The following ASIC2 variants were observed in gnomAD, a reference collection of about 807,000 sequenced individuals.
ASIC2 encodes the protein acid-sensing ion channel 2.
ASIC2 carries 25 observed loss-of-function variants against 57.3 expected under a neutral mutation model. That is an observed-to-expected ratio of 0.44 (90% CI 0.32 to 0.61). ASIC2 has a LOEUF of 0.61. Among genes scored for constraint, ASIC2 ranks in the 20% least tolerant of loss-of-function variants. The pLI is 0.06. For missense variants in ASIC2, 641 were observed against 738.1 expected (o/e 0.87, Z 1.52); for synonymous variants, 319 against 307.5 (o/e 1.04, Z -0.39).
chr17:33,151,891 G>T (rs1339765599), intron 1 of ASIC2, among the ~76,000 whole-genome samples: 1 of 152,204 alleles, frequency 6.6e-6, no homozygotes, highest in Non-Finnish European at 1.5e-5. Flanking sequence ...GACACTTCTG[G>T]AGTAATCACC....
intron 1 of ASIC2, among the ~76,000 whole-genome samples, chr17:33,428,342 A>G (rs1911287633): frequency 6.6e-6 from 1 of 152,182 alleles, no homozygotes; most frequent in East Asian, 1.9e-4. Context: ...CCCTCAGATG[A>G]CTCTAATGTG....
Position 34,041,328 on chromosome 17 carries a change from G to GCCAA in ASIC2, c.555+114646_555+114649dup, listed in dbSNP as rs1908124532. The GCCAA allele has an allele frequency of 2.0e-5, 3 of 152,180 alleles. No individual in the cohort carries two copies. In the South Asian group the frequency reaches 6.2e-4, roughly 32 times the overall value. 9.4% of individuals were successfully genotyped at this position (152,180 alleles called of 1,614,324 possible). Reference sequence around the variant, plus strand: ...GCCCAGGAGAGCCTCTGAACATTAAGCCAACAGTCTTGAATCATGACAAGA... The same window carrying GCCAA: ...GCCCAGGAGAGCCTCTGAACATTAAGCCAACCAACAGTCTTGAATCATGACAAGA... On this transcript the variant is annotated intron_variant, in intron 1 of 9. Transcript: ENST00000359872.
chr17:33,520,440 G>A (rs1914704542), intron 1 of ASIC2, among the ~76,000 whole-genome samples: 1 of 152,226 alleles, frequency 6.6e-6, no homozygotes, highest in East Asian at 1.9e-4. Flanking sequence ...TAACTGGGAG[G>A]TTGTATTAAT....
In ASIC2 at chr17:33,099,160, G is replaced by GT. The variant is rs934751986; in HGVS notation, c.860-10171dup. Among the ~76,000 whole-genome samples the GT allele has an allele frequency of 1.4e-3, 204 of 150,200 alleles. 2 individuals are homozygous for GT. The highest frequency in any genetic ancestry group is 4.3e-3 in the African/African-American group (178 of 40,986). On this transcript the variant is annotated intron_variant, in intron 2 of 9. Coordinates refer to ENST00000225823, the MANE Select transcript of ASIC2 (RefSeq NM_183377.2). ...GGCATGCACCACCATGCCCGGCTAG[G>GT]TTTTTTTTTGTTGTTGTTGTTATTT...
intron 1 of ASIC2, among the ~76,000 whole-genome samples, chr17:33,481,710 A>G (rs1020801397): frequency 2.0e-5 from 3 of 152,188 alleles, no homozygotes; most frequent in African/African-American, 7.2e-5. Context: ...TAAAACAAAA[A>G]CAAAACAAAA....
At chr17:33,049,882 A>AT (rs2091968554) in intron 3 of ASIC2, among the ~76,000 whole-genome samples, 1 of 152,174 alleles carries the variant, frequency 6.6e-6, no homozygotes. Flanking sequence ...CCATTTTGGA[A>AT]TTATGGCAAG....
intron 1 of ASIC2, chr17:34,038,324 G>A (rs1907970705): frequency 1.9e-6 from 3 of 1,610,242 alleles, no homozygotes; most frequent in South Asian, 2.2e-5. Context: ...TGTACAAAAC[G>A]AGTCAGTATC....
intron 1 of ASIC2, among the ~76,000 whole-genome samples, chr17:33,329,000 C>G (rs916531553): frequency 2.6e-5 from 4 of 152,128 alleles, no homozygotes; most frequent in African/African-American, 9.7e-5. Context: ...CTGGGTGGAA[C>G]CTTGGCTGAC....
intron 1 of ASIC2, among the ~76,000 whole-genome samples, chr17:33,862,962 C>A (rs369258721): frequency 1.4e-4 from 21 of 152,190 alleles, no homozygotes; most frequent in East Asian, 3.9e-4. Context: ...TCAGATGACT[C>A]ACATGACATC....
intron 1 of ASIC2, among the ~76,000 whole-genome samples, chr17:33,643,484 A>G (rs1906646953): frequency 6.6e-6 from 1 of 152,214 alleles, no homozygotes; most frequent in Non-Finnish European, 1.5e-5. Flanking sequence ...TCACAGGAAC[A>G]GAGGATGGTG....
At chr17:33,218,624 T>G (rs444334) in intron 1 of ASIC2, among the ~76,000 whole-genome samples, 1 of 149,392 alleles carries the variant, frequency 6.7e-6, no homozygotes, top group South Asian at 2.2e-4. Context: ...AAGTTGAGCA[T>G]TGCCGGGGTG....
At chr17:34,038,817 C>T in intron 1 of ASIC2, 1 of 1,612,118 alleles carries the variant, frequency 6.2e-7, no homozygotes. Context: ...GCAGGAGGGG[C>T]CTGACCCATG....
At chr17:33,140,908 C>A (rs1000486265) in intron 1 of ASIC2, among the ~76,000 whole-genome samples, 5 of 152,226 alleles carry the variant, frequency 3.3e-5, no homozygotes, top group Non-Finnish European at 5.9e-5. Context: ...CAAGGCAGAA[C>A]CACAAGACAG....
chr17:33,895,352 G>A lies in ASIC2; in HGVS notation c.555+260626C>T, dbSNP rs138805728. On this transcript the variant is annotated intron_variant, in intron 1 of 9. Coordinates refer to the ASIC2 transcript ENST00000359872. Reference sequence around the variant, plus strand: ...TAATTTTTGTGTTTTTAGTAGAGACGGGGTTTCACCATATTGGTCAGGTTG... The same window carrying A: ...TAATTTTTGTGTTTTTAGTAGAGACAGGGTTTCACCATATTGGTCAGGTTG... Among the ~76,000 whole-genome samples, 507 of 152,048 alleles carry A rather than the reference G, an allele frequency of 3.3e-3. 7 individuals are homozygous for A. Among genetic ancestry groups the A allele is most frequent in the African/African-American group, 0.012 (485 of 41,458 alleles).
At chr17:33,285,278 CCTAAA>C (rs1905103872) in intron 1 of ASIC2, among the ~76,000 whole-genome samples, 1 of 152,134 alleles carries the variant, frequency 6.6e-6, no homozygotes, top group Non-Finnish European at 1.5e-5. Flanking sequence ...CATTTGATTC[CCTAAA>C]CTAATTTCCC....
chr17:33,131,194 C>A (rs2031333003), intron 1 of ASIC2, among the ~76,000 whole-genome samples: 1 of 152,148 alleles, frequency 6.6e-6, no homozygotes, highest in Admixed American at 6.5e-5. Context: ...CAAACGCCAG[C>A]TACCACTGGA....
At chr17:33,277,321 G>C (rs1177182779) in intron 1 of ASIC2, among the ~76,000 whole-genome samples, 1 of 152,170 alleles carries the variant, frequency 6.6e-6, no homozygotes, top group Non-Finnish European at 1.5e-5. Context: ...ACCACCATGA[G>C]TCAGGGAAGT....
At chr17:33,161,205 C>G (rs1319633740) in intron 1 of ASIC2, among the ~76,000 whole-genome samples, 2 of 152,176 alleles carry the variant, frequency 1.3e-5, no homozygotes, top group African/African-American at 2.4e-5. Flanking sequence ...CTTAGTCTTT[C>G]CTGCTGGAGT....
chr17:33,493,358 A>G lies in ASIC2; in HGVS notation c.556-381291T>C, dbSNP rs565074597. Among the ~76,000 whole-genome samples, 8 of 152,308 alleles carry G rather than the reference A, an allele frequency of 5.3e-5. No homozygotes were observed. In the East Asian group the frequency reaches 7.7e-4, roughly 15 times the overall value. ...AAATGATGCTGTTGTAAGAAATAAT[A>G]TGGAGACATCTGGGATACGCTTCAC... is the stretch of plus-strand genomic sequence containing the variant. On this transcript the variant is annotated intron_variant, in intron 1 of 9. Coordinates refer to the ASIC2 transcript ENST00000359872.
Sources: gnomAD v4.1 joint callset for allele counts (sites outside exome capture counted in the v4.1 genomes callset) on GRCh38, gnomAD v4.1.1 for gene constraint, MANE v1.5 for transcripts, NCBI Gene and HGNC (gene_info 2026-07-23, HGNC 2026-07-21) for gene names.